PITPNC1: variants seen among roughly 807,000 people sequenced by gnomAD.
PITPNC1 encodes the protein cytoplasmic phosphatidylinositol transfer protein 1.
PITPNC1 carries 18 observed loss-of-function variants against 44.7 expected under a neutral mutation model. The observed-to-expected ratio is 0.40, with a 90% confidence interval of 0.28 to 0.60. The LOEUF is 0.60. Among genes scored for constraint, PITPNC1 ranks in the 20% least tolerant of loss-of-function variants. The pLI is 0.39. For synonymous variants in PITPNC1, 141 were observed against 149.6 expected, an observed-to-expected ratio of 0.94 and a Z score of 0.42; for missense variants, 290 against 418.4, an observed-to-expected ratio of 0.69 and a Z score of 2.68.
intron 1 of PITPNC1, among the ~76,000 whole-genome samples, chr17:67,443,135 AC>A (rs1253677067): frequency 6.6e-6 from 1 of 151,694 alleles, no homozygotes; most frequent in Non-Finnish European, 1.5e-5. Context: ...TCTGGCCCCC[AC>A]CTAACCCACC....
At chr17:67,690,673 A>T (rs2042910053) in intron 8 of PITPNC1, among the ~76,000 whole-genome samples, 1 of 152,156 alleles carries the variant, frequency 6.6e-6, no homozygotes, top group Non-Finnish European at 1.5e-5. Flanking sequence ...CGCGGGCACT[A>T]AATTTTGCAT....
chr17:67,529,848 T>C (rs1598784760), intron 1 of PITPNC1, among the ~76,000 whole-genome samples: 1 of 152,174 alleles, frequency 6.6e-6, no homozygotes, highest in South Asian at 2.1e-4. Flanking sequence ...CTTGGGAGGC[T>C]GAGGCAGGAG....
At chr17:67,628,703 G>A (rs981240814) in intron 5 of PITPNC1, among the ~76,000 whole-genome samples, 2 of 152,136 alleles carry the variant, frequency 1.3e-5, no homozygotes, top group Non-Finnish European at 2.9e-5. Context: ...AGAGAGAGTC[G>A]GGGCACGCTG....
Position 67,614,643 on chromosome 17 carries a change from G to A in PITPNC1, c.367-17500G>A, listed in dbSNP as rs535370199. On this transcript the variant is annotated intron_variant, in intron 5 of 8. Transcript: ENST00000581322. Reference sequence around the variant, plus strand: ...GCTGAGATTGCCCCACTGCACTCCAGCCTGGGCAACAGAGTGAGACTCCGT... The same window carrying A: ...GCTGAGATTGCCCCACTGCACTCCAACCTGGGCAACAGAGTGAGACTCCGT... Among the ~76,000 whole-genome samples, 10 of 150,084 alleles carry A rather than the reference G, an allele frequency of 6.7e-5. No homozygotes were observed. The South Asian group carries it at 1.7e-3, about 25-fold the overall frequency.
chr17:67,540,012 C>G (rs1277665596), intron 2 of PITPNC1, among the ~76,000 whole-genome samples: 1 of 152,010 alleles, frequency 6.6e-6, no homozygotes, highest in Non-Finnish European at 1.5e-5. Context: ...TTGTGGTTAC[C>G]TTTGAGGAGG....
At chr17:67,427,700 A>C (rs1332856587) in intron 1 of PITPNC1, among the ~76,000 whole-genome samples, 1 of 152,218 alleles carries the variant, frequency 6.6e-6, no homozygotes, top group Non-Finnish European at 1.5e-5. Flanking sequence ...TACAGCTAAA[A>C]ATAAACCATA....
chr17:67,449,264 C>T (rs1290767688), intron 1 of PITPNC1, among the ~76,000 whole-genome samples: 3 of 152,106 alleles, frequency 2.0e-5, no homozygotes, highest in East Asian at 1.9e-4. Flanking sequence ...TTTCCTTTTC[C>T]GTGTTCTAGT....
intron 1 of PITPNC1, among the ~76,000 whole-genome samples, chr17:67,458,808 A>G (rs2143967129): frequency 6.6e-6 from 1 of 152,302 alleles, no homozygotes; most frequent in Middle Eastern, 3.4e-3. Flanking sequence ...CTCCTTCAGA[A>G]CAATTAGCAT....
intron 5 of PITPNC1, among the ~76,000 whole-genome samples, chr17:67,588,729 CATAG>C (rs1435134608): frequency 3.3e-5 from 5 of 152,172 alleles, no homozygotes; most frequent in African/African-American, 9.7e-5. Context: ...AAGAGGACAA[CATAG>C]ATGGATGGAT....
intron 5 of PITPNC1, among the ~76,000 whole-genome samples, chr17:67,606,100 T>G (rs1290931463): frequency 6.6e-6 from 1 of 152,158 alleles, no homozygotes; most frequent in Non-Finnish European, 1.5e-5. Context: ...GCCTCAGAGA[T>G]GGAAGCTTTC....
chr17:67,466,343 C>T (rs1327410572), intron 1 of PITPNC1, among the ~76,000 whole-genome samples: 1 of 152,132 alleles, frequency 6.6e-6, no homozygotes, highest in East Asian at 1.9e-4. Flanking sequence ...GCCTTTTGTA[C>T]CCCTCTCAAT....
intron 5 of PITPNC1, among the ~76,000 whole-genome samples, chr17:67,590,257 T>C (rs541818757): frequency 6.6e-6 from 1 of 152,132 alleles, no homozygotes; most frequent in East Asian, 1.9e-4. Flanking sequence ...TGAACCTAAC[T>C]GTATTTTAAA....
intron 1 of PITPNC1, among the ~76,000 whole-genome samples, chr17:67,519,224 T>A (rs1354053737): frequency 7.4e-6 from 1 of 134,658 alleles, no homozygotes; most frequent in Non-Finnish European, 1.5e-5. Flanking sequence ...TTTCCCAGGC[T>A]GGAGTGCAGT....
chr17:67,696,592 C>T lies in PITPNC1; in HGVS notation c.*3704C>T, dbSNP rs1238582030. On this transcript the variant is annotated 3_prime_UTR_variant, in exon 9 of 9. Coordinates refer to ENST00000581322, the MANE Select transcript of PITPNC1 (RefSeq NM_012417.4). ...GTTCTTGAGATTTAAAAAGTCTGTC[C>T]AGTGACTGCAATCTGATTATGAATA... The T allele has an allele frequency of 6.6e-6, 1 of 152,186 alleles. No individual in the cohort carries two copies. Among genetic ancestry groups the T allele is most frequent in the African/African-American group, 2.4e-5 (1 of 41,444 alleles). 9.4% of individuals were successfully genotyped at this position (152,186 alleles called of 1,614,324 possible). A position where few individuals can be genotyped will look rare whatever the true frequency, so the allele number is the denominator to read the frequency against.
chr17:67,465,959 C>T (rs2039420459), intron 1 of PITPNC1, among the ~76,000 whole-genome samples: 1 of 132,414 alleles, frequency 7.6e-6, no homozygotes, highest in South Asian at 2.4e-4. Flanking sequence ...CATCACAGAG[C>T]TGGTTTCCCC....
chr17:67,574,088 C>T (rs1015012102), intron 4 of PITPNC1, among the ~76,000 whole-genome samples: 11 of 152,144 alleles, frequency 7.2e-5, no homozygotes, highest in Admixed American at 2.0e-4. Context: ...GTACTGTGCA[C>T]CTACTATGTG....
intron 1 of PITPNC1, among the ~76,000 whole-genome samples, chr17:67,509,873 C>T (rs757581537): frequency 6.6e-6 from 1 of 152,138 alleles, no homozygotes; most frequent in Non-Finnish European, 1.5e-5. Flanking sequence ...CTGAGCAAGC[C>T]TAATGACGTC....
In PITPNC1 at chr17:67,473,332, C is replaced by T. The variant is rs375354812; in HGVS notation, c.49-59470C>T. ...TATAGGCGTGAGCCACTTTACCTGG[C>T]CTGCTTGTTTTTTTGAGACAGAGTC... On this transcript the variant is annotated intron_variant, in intron 1 of 8. Transcript: ENST00000581322. Among the ~76,000 whole-genome samples the T allele has an allele frequency of 1.7e-3, 250 of 151,468 alleles. 1 individual carries two copies. The highest frequency in any genetic ancestry group is 5.8e-3 in the African/African-American group (241 of 41,304).
intron 1 of PITPNC1, among the ~76,000 whole-genome samples, chr17:67,523,885 C>T (rs368910464): frequency 6.9e-6 from 1 of 145,154 alleles, no homozygotes; most frequent in Non-Finnish European, 1.5e-5. Context: ...AATCTCTGCT[C>T]ACTGCAACCT....
Sources: gnomAD v4.1 joint callset for allele counts (sites outside exome capture counted in the v4.1 genomes callset) on GRCh38, gnomAD v4.1.1 for gene constraint, MANE v1.5 for transcripts, NCBI Gene and HGNC (gene_info 2026-07-23, HGNC 2026-07-21) for gene names.